Variants in METTL9 observed in about 807,000 individuals in gnomAD.
METTL9 encodes the protein methyltransferase 9, His-X-His N1(pi)-histidine.
METTL9 carries 10 observed loss-of-function variants against 36.0 expected under a neutral mutation model. The observed-to-expected ratio is 0.28, with a 90% CI of 0.17 to 0.47. The LOEUF is 0.47. Among genes scored for constraint, METTL9 ranks in the 20% least tolerant of loss-of-function variants. The pLI is 0.99. For synonymous variants in METTL9, 175 were observed against 149.7 expected (o/e 1.17, Z -1.23); for missense variants, 246 against 383.5 (o/e 0.64, Z 3.00).
chr16:21,618,088 G>A lies in METTL9; in HGVS notation c.566+14G>A. ...AAAGAAATACAGGTATAATTTTCTT[G>A]GTTTTAGATGCATTTCTTCTTGAAA... On this transcript the variant is annotated intron_variant, in intron 3 of 4. Transcript: ENST00000358154. 7 of 1,486,664 alleles carry A rather than the reference G, an allele frequency of 4.7e-6. No individual in the cohort carries two copies. Among genetic ancestry groups the A allele is most frequent in the Non-Finnish European group, 6.3e-6 (7 of 1,106,026 alleles). 92.1% of individuals were successfully genotyped at this position (1,486,664 alleles called of 1,614,324 possible). A position where few individuals can be genotyped will look rare whatever the true frequency, so the allele number is the denominator to read the frequency against.
chr16:21,635,492 C>T (rs896390815), intron 4 of METTL9, among the ~76,000 whole-genome samples: 2 of 151,920 alleles, frequency 1.3e-5, no homozygotes, highest in Non-Finnish European at 2.9e-5. Flanking sequence ...CTCGTGTATT[C>T]TCCTTCAATG....
At chr16:21,616,329 A>G (rs1965554123) in intron 2 of METTL9, among the ~76,000 whole-genome samples, 1 of 152,156 alleles carries the variant, frequency 6.6e-6, no homozygotes, top group Admixed American at 6.5e-5. Flanking sequence ...TGGGCTCCCA[A>G]CCTCATTCGA....
At chr16:21,608,843 T>G (rs1346237268) in intron 1 of METTL9, among the ~76,000 whole-genome samples, 1 of 152,186 alleles carries the variant, frequency 6.6e-6, no homozygotes, top group Non-Finnish European at 1.5e-5. Flanking sequence ...CACATGTAGT[T>G]CAGTTTAATT....
At chr16:21,634,423 G>A (rs1046183006) in intron 4 of METTL9, among the ~76,000 whole-genome samples, 9 of 152,066 alleles carry the variant, frequency 5.9e-5, no homozygotes, top group Admixed American at 2.6e-4. Context: ...ATGAGGGGGC[G>A]GCTTATTTCT....
chr16:21,631,204 C>T (rs1037997971), intron 4 of METTL9, among the ~76,000 whole-genome samples: 1 of 152,164 alleles, frequency 6.6e-6, no homozygotes, highest in East Asian at 1.9e-4. Flanking sequence ...ATTCCTAACC[C>T]TATAAATAGG....
intron 4 of METTL9, among the ~76,000 whole-genome samples, chr16:21,651,404 C>T (rs892752766): frequency 1.3e-5 from 2 of 152,116 alleles, no homozygotes; most frequent in Admixed American, 6.5e-5. Context: ...AAGTGATCCT[C>T]CTGCCTCAGC....
intron 4 of METTL9, chr16:21,652,537 C>G (rs142541478): frequency 1.9e-6 from 3 of 1,609,216 alleles, no homozygotes; most frequent in Non-Finnish European, 2.5e-6. Context: ...CTTACCGACA[C>G]AAAATAGAAT....
intron 4 of METTL9, among the ~76,000 whole-genome samples, chr16:21,631,048 C>T (rs117798777): frequency 6.6e-6 from 1 of 152,278 alleles, no homozygotes; most frequent in Non-Finnish European, 1.5e-5. Flanking sequence ...TGGAGAGTCA[C>T]TATTGCCAGA....
chr16:21,650,763 A>C (rs933594100), intron 4 of METTL9, among the ~76,000 whole-genome samples: 1 of 152,162 alleles, frequency 6.6e-6, no homozygotes, highest in African/African-American at 2.4e-5. Context: ...CCTATTAACA[A>C]AAAAGAGAAG....
At chr16:21,643,544 G>A (rs971833807) in intron 4 of METTL9, 34 of 1,586,348 alleles carry the variant, frequency 2.1e-5, no homozygotes, top group Non-Finnish European at 2.9e-5. Context: ...GTGTTGGTCT[G>A]TACCTTTTGT....
intron 4 of METTL9, chr16:21,627,123 C>T (rs545756355): frequency 2.3e-4 from 230 of 985,286 alleles, no homozygotes; most frequent in African/African-American, 1.8e-3. Context: ...ATTTTGCAGG[C>T]GCGCCACGGC....
rs781612472 is a variant in METTL9 at position 21,655,184 on chromosome 16, T to G, written c.752-43T>G. 7 of 1,570,532 alleles carry G rather than the reference T, an allele frequency of 4.5e-6. No homozygotes were observed. The Admixed American group carries it at 1.2e-4, about 27-fold the overall frequency. On this transcript the variant is annotated intron_variant, in intron 4 of 4. Transcript: ENST00000358154. Reference sequence around the variant, plus strand: ...CTCCCTGCTTCCCTCTTTAAATCACTTGTTTGTTCAAGAATTTAACTGAAT... The same window carrying G: ...CTCCCTGCTTCCCTCTTTAAATCACGTGTTTGTTCAAGAATTTAACTGAAT...
At chr16:21,647,555 A>G in intron 4 of METTL9, 1 of 1,536,954 alleles carries the variant, frequency 6.5e-7, no homozygotes, top group Non-Finnish European at 8.7e-7. Context: ...CTTTTATTAT[A>G]TTTTTGAGGT....
intron 4 of METTL9, among the ~76,000 whole-genome samples, chr16:21,636,544 G>T (rs1469336519): frequency 6.6e-6 from 1 of 152,308 alleles, no homozygotes; most frequent in East Asian, 1.9e-4. Flanking sequence ...GAATAGATGG[G>T]CTAGTCTCGC....
rs767990942 is a variant in METTL9 at position 21,617,930 on chromosome 16, A to G, written c.422A>G (p.Asn141Ser). 9 of 1,614,056 alleles carry G rather than the reference A, an allele frequency of 5.6e-6. No homozygotes were observed. Among genetic ancestry groups the G allele is most frequent in the Middle Eastern group, 1.6e-4 (1 of 6,062 alleles). The change falls in exon 3 of 5, where the codon AAT becomes AGT. Residue 141 changes from asparagine to serine, a missense_variant. Transcript: ENST00000358154. Reference sequence around the variant, plus strand: ...CAGTTTCAGAGACTGCTTAAAATTAATCCAGACTGGAAAACCCACAGACTT... The same window carrying G: ...CAGTTTCAGAGACTGCTTAAAATTAGTCCAGACTGGAAAACCCACAGACTT... ...PDQFQRLLKI[N>S]PDWKTHRLLD...
chr16:21,621,046 T>G (rs1050041060), intron 3 of METTL9, among the ~76,000 whole-genome samples: 2 of 152,108 alleles, frequency 1.3e-5, no homozygotes, highest in African/African-American at 4.8e-5. Context: ...TATAGCTCAC[T>G]GTAGCCTTGA....
intron 2 of METTL9, among the ~76,000 whole-genome samples, chr16:21,617,016 C>T (rs1016779562): frequency 1.5e-4 from 23 of 152,216 alleles, no homozygotes; most frequent in African/African-American, 5.5e-4. Flanking sequence ...TTTTATTTCC[C>T]TCCTCCCATG....
At chr16:21,612,899 A>G (rs1965460061) in intron 2 of METTL9, 64 bp downstream of exon 2, 3 of 1,393,208 alleles carry the variant, frequency 2.2e-6, no homozygotes. Flanking sequence ...AAAAACACAA[A>G]AAGAAAAGTT....
rs1965303319 is a variant in METTL9, at chr16:21,606,876, G to A, written c.166-5769G>A. Among the ~76,000 whole-genome samples, 6 of 152,206 alleles carry A rather than the reference G, an allele frequency of 3.9e-5. No homozygotes were observed. The South Asian group carries it at 1.2e-3, about 32-fold the overall frequency. ...TGTGCTTAAATCCTTTGTATTTTGG[G>A]AATGTTGTATTTTGGATATGTTGTA... On this transcript the variant is annotated intron_variant, in intron 1 of 4. Coordinates refer to ENST00000358154, the MANE Select transcript of METTL9 (RefSeq NM_016025.5).
Sources: allele counts gnomAD v4.1 joint callset (sites outside exome capture counted in the v4.1 genomes callset), GRCh38; gene constraint gnomAD v4.1.1; transcripts MANE v1.5; gene names NCBI Gene and HGNC (gene_info 2026-07-23, HGNC 2026-07-21).